ANXA3: variants seen among roughly 807,000 people sequenced by gnomAD.
The protein encoded by ANXA3 is 35-alpha calcimedin.
Under a neutral mutation model 48.8 loss-of-function variants are expected in ANXA3, and 46 were observed. The observed-to-expected ratio is 0.94, with a 90% confidence interval of 0.74 to 1.21. ANXA3 has a LOEUF of 1.21. ANXA3 is among the 50% of genes most tolerant of loss of function. The pLI, the probability that ANXA3 is intolerant of heterozygous loss-of-function variation, is 0.00. For missense variants in ANXA3, 383 were observed against 378.6 expected (o/e 1.01, Z -0.10); for synonymous variants, 128 against 134.7 (o/e 0.95, Z 0.35).
rs1448457338 is a variant in ANXA3 at position 78,593,940 on chromosome 4, T to C, written c.484-1441T>C. Among the ~76,000 whole-genome samples the C allele has an allele frequency of 2.0e-5, 3 of 151,976 alleles. No individual in the cohort carries two copies. The East Asian group carries it at 5.8e-4, about 29-fold the overall frequency. On this transcript the variant is annotated intron_variant, in intron 7 of 12. Coordinates refer to ENST00000264908, the MANE Select transcript of ANXA3 (RefSeq NM_005139.3). ...CTGAAGTTTATAGTTTACATTAGGGTTCACTCTTTCTGTGATATAGTTCTA... is the reference window on the plus strand; with the variant it reads ...CTGAAGTTTATAGTTTACATTAGGGCTCACTCTTTCTGTGATATAGTTCTA...
At chr4:78,569,630 A>G (rs1281372532) in intron 2 of ANXA3, among the ~76,000 whole-genome samples, 2 of 152,224 alleles carry the variant, frequency 1.3e-5, no homozygotes, top group Admixed American at 6.5e-5. Flanking sequence ...GTTAAATCGC[A>G]GATTCTGCAT....
intron 2 of ANXA3, among the ~76,000 whole-genome samples, chr4:78,563,883 G>A (rs1051089525): frequency 3.9e-5 from 6 of 152,252 alleles, no homozygotes; most frequent in African/African-American, 1.4e-4. Context: ...TCCCGCAGAA[G>A]TTACACATGC....
At chr4:78,607,074 A>G (rs1280618424) in intron 12 of ANXA3, among the ~76,000 whole-genome samples, 1 of 152,258 alleles carries the variant, frequency 6.6e-6, no homozygotes, top group Non-Finnish European at 1.5e-5. Flanking sequence ...TCAGCAAACC[A>G]GAAAATTAAA....
chr4:78,577,307 G>A (rs1722976271), intron 3 of ANXA3, among the ~76,000 whole-genome samples: 1 of 152,210 alleles, frequency 6.6e-6, no homozygotes, highest in African/African-American at 2.4e-5. Context: ...AGGAATCTGA[G>A]ATGATTCCCA....
At chr4:78,566,419 G>A (rs1019174236) in intron 2 of ANXA3, among the ~76,000 whole-genome samples, 27 of 139,716 alleles carry the variant, frequency 1.9e-4, no homozygotes, top group African/African-American at 7.2e-4. Context: ...ACAGAGGATT[G>A]AATTAAGAAA....
At chr4:78,595,713 T>C (rs927665917) in intron 8 of ANXA3, 81 bp from the exon 9 acceptor site, 15 of 922,790 alleles carry the variant, frequency 1.6e-5, no homozygotes, top group African/African-American at 1.5e-4. Flanking sequence ...CACTGACCTC[T>C]GAAATACAAC....
Position 78,582,413 on chromosome 4 carries a change from A to AGT in ANXA3, c.312+125_312+126dup, listed in dbSNP as rs1723091284. On this transcript the variant is annotated intron_variant, in intron 5 of 12. Coordinates refer to ENST00000264908, the MANE Select transcript of ANXA3 (RefSeq NM_005139.3). ...ATGCCCTTTTGGTCTGGACTCTCCC[A>AGT]GTGGTAGAATGACTCTGAAATAGGC... The AGT allele has an allele frequency of 6.5e-6, 4 of 613,462 alleles. No homozygotes were observed. In the South Asian group the frequency reaches 8.6e-5, roughly 13 times the overall value. 38.0% of individuals were successfully genotyped at this position (613,462 alleles called of 1,614,324 possible). A position where few individuals can be genotyped will look rare whatever the true frequency, so the allele number is the denominator to read the frequency against.
chr4:78,582,673 A>G (rs1723097767), intron 5 of ANXA3, among the ~76,000 whole-genome samples: 2 of 152,122 alleles, frequency 1.3e-5, no homozygotes, highest in African/African-American at 2.4e-5. Context: ...TTCAAAATCC[A>G]TTATAAATAT....
intron 10 of ANXA3, among the ~76,000 whole-genome samples, chr4:78,598,094 G>A (rs944609697): frequency 6.6e-6 from 1 of 151,846 alleles, no homozygotes; most frequent in African/African-American, 2.4e-5. Flanking sequence ...TACTTGGGAG[G>A]CTGAGGTGGA....
At chr4:78,560,169 T>C (rs1722597443) in intron 2 of ANXA3, among the ~76,000 whole-genome samples, 1 of 152,174 alleles carries the variant, frequency 6.6e-6, no homozygotes, top group Non-Finnish European at 1.5e-5. Flanking sequence ...ATACTCCCTT[T>C]CCACTCCTAG....
At chr4:78,604,237 C>T (rs767110272) in intron 11 of ANXA3, 40 bp from the exon 12 acceptor site, 3 of 1,555,174 alleles carry the variant, frequency 1.9e-6, no homozygotes, top group South Asian at 1.2e-5. Context: ...GCTTTGTGAC[C>T]AATGACATTT....
intron 2 of ANXA3, among the ~76,000 whole-genome samples, chr4:78,555,494 A>C (rs1348425600): frequency 6.6e-6 from 1 of 152,190 alleles, no homozygotes; most frequent in East Asian, 1.9e-4. Flanking sequence ...AAAAAGTTGT[A>C]AGGGACATAA....
chr4:78,603,791 C>A (rs766400740), intron 11 of ANXA3: 3 of 152,240 alleles, frequency 2.0e-5, no homozygotes, highest in African/African-American at 7.2e-5. Context: ...TTGAACGTGG[C>A]GTTCTTTATT....
At chr4:78,597,507 T>C in intron 10 of ANXA3, 93 bp downstream of exon 10, 1 of 808,592 alleles carries the variant, frequency 1.2e-6, no homozygotes, top group South Asian at 1.7e-5. Context: ...TCCTGACTGA[T>C]CCATTTTTTT....
chr4:78,574,349 G>A (rs547473604), intron 3 of ANXA3, among the ~76,000 whole-genome samples: 4 of 152,292 alleles, frequency 2.6e-5, no homozygotes, highest in East Asian at 3.9e-4. Flanking sequence ...GAGCCAGGGA[G>A]GTTGAGGCTG....
chr4:78,572,714 G>A (rs1302463754), intron 2 of ANXA3, among the ~76,000 whole-genome samples: 2 of 152,212 alleles, frequency 1.3e-5, no homozygotes, highest in Admixed American at 1.3e-4. Flanking sequence ...CTATAATAGT[G>A]ATGCTATCTG....
chr4:78,595,281 C>A (rs1285670547), intron 7 of ANXA3, 100 bp from the exon 8 acceptor site: 6 of 1,293,650 alleles, frequency 4.6e-6, no homozygotes, highest in African/African-American at 1.5e-5. Flanking sequence ...ACCTGTCCTG[C>A]CTTAAAGAAA....
chr4:78,573,228 G>C lies in ANXA3; in HGVS notation c.64G>C (p.Val22Leu), dbSNP rs148328676. 6.2e-7 allele frequency: 1 copy of C among 1,613,606 alleles called. No homozygotes were observed. The highest frequency in any genetic ancestry group is 1.3e-5 in the African/African-American group (1 of 74,928). Residue 22 changes from valine to leucine, a missense_variant, in exon 3 of 13, where the codon GTG becomes CTG. Coordinates refer to ENST00000264908, the MANE Select transcript of ANXA3 (RefSeq NM_005139.3). ...VRDYPDFSPS[V>L]DAEAIQKAIR... ...AGATTATCCAGACTTTAGCCCATCA[G>C]TGGATGCTGAAGCTATTCAGAAAGC...
At chr4:78,597,540 G>T (rs1359253975) in intron 10 of ANXA3, 126 bp downstream of exon 10, 5 of 620,776 alleles carry the variant, frequency 8.1e-6, no homozygotes, top group Non-Finnish European at 1.4e-5. Context: ...CCCCCAACAT[G>T]GTCCAGGATA....
Sources: gnomAD v4.1 joint callset for allele counts (sites outside exome capture counted in the v4.1 genomes callset) on GRCh38, gnomAD v4.1.1 for gene constraint, MANE v1.5 for transcripts, NCBI Gene and HGNC (gene_info 2026-07-23, HGNC 2026-07-21) for gene names.